TGM4: variants seen among roughly 807,000 people sequenced by gnomAD.
TGM4 encodes transglutaminase 4.
In TGM4, 61 loss-of-function variants were observed where a neutral mutation model predicts 76.3. The observed-to-expected ratio is 0.80, with a 90% CI of 0.65 to 0.99. The LOEUF (loss-of-function observed/expected upper bound fraction) is 0.99. Ranked by LOEUF, TGM4 falls within the 50% of genes least tolerant of loss-of-function variation. The pLI is 0.00. For missense variants in TGM4, 794 were observed against 843.2 expected (o/e 0.94, Z 0.72); for synonymous variants, 337 against 329.8 (o/e 1.02, Z -0.24).
In TGM4 at chr3:44,907,052, G is replaced by A. The variant is rs1340695453; in HGVS notation, c.1179G>A (p.Arg393=). The change falls in exon 10 of 14, where the codon AGG becomes AGA. Residue 393 remains arginine (R), a synonymous_variant. Coordinates refer to ENST00000296125, the MANE Select transcript of TGM4 (RefSeq NM_003241.4). ...TCTTCTCAGAAGTGAATGGTGACAG[G>A]CTCATCTGGTTGGTGAAGATGGTGA... ...RFVFSEVNGD[R]LIWLVKMVNG... 2.5e-5 allele frequency: 40 copies of A among 1,614,044 alleles called. No individual in the cohort carries two copies. Among genetic ancestry groups the A allele is most frequent in the Middle Eastern group, 1.6e-4 (1 of 6,084 alleles).
At chr3:44,896,109 T>A (rs1228520035) in intron 5 of TGM4, among the ~76,000 whole-genome samples, 3 of 152,100 alleles carry the variant, frequency 2.0e-5, no homozygotes, top group Non-Finnish European at 4.4e-5. Context: ...TTTATTTATT[T>A]TTATTATTAT....
At chr3:44,895,485 GGCATGGTGAT>G (rs1699767336) in intron 5 of TGM4, among the ~76,000 whole-genome samples, 1 of 152,006 alleles carries the variant, frequency 6.6e-6, no homozygotes, top group Admixed American at 6.6e-5. Flanking sequence ...AAATTAGCTG[GGCATGGTGAT>G]GCATGCCTAT....
rs1335100345 is a variant in TGM4 at position 44,911,065 on chromosome 3, T to C, written c.1714T>C (p.Ser572Pro). The C allele has an allele frequency of 1.2e-6, 2 of 1,613,930 alleles. No homozygotes were observed. The highest frequency in any genetic ancestry group is 2.2e-5 in the South Asian group (2 of 91,058). ...RGFIIAEIVE[S>P]KEIMASEVFT... The stretch of plus-strand genomic sequence containing the variant: ...TTTCATCATTGCGGAAATTGTGGAG[T>C]CTAAGGAAATCATGGCCTCTGAAGT... The change falls in exon 12 of 14, where the codon TCT (serine) becomes CCT (proline). Residue 572 changes from serine to proline, a missense_variant. By Grantham distance (74) the Ser-to-Pro change is moderately conservative. Coordinates refer to ENST00000296125, the MANE Select transcript of TGM4 (RefSeq NM_003241.4).
At position 44,914,012 on chromosome 3, in the gene TGM4, A is replaced by C; in HGVS notation, c.*287A>C. On this transcript the variant is annotated 3_prime_UTR_variant, in exon 14 of 14. Coordinates refer to ENST00000296125, the MANE Select transcript of TGM4 (RefSeq NM_003241.4). ...ATCAGGGCCACCATTGTCTCAATTC[A>C]AATCCATAGATTTCGAAGCCACAGA... 3.1e-6 allele frequency: 1 copy of C among 320,052 alleles called. No homozygotes were observed. 19.8% of individuals were successfully genotyped at this position (320,052 alleles called of 1,614,324 possible).
chr3:44,880,074 T>A lies in TGM4; in HGVS notation c.20-5251T>A, dbSNP rs190427369. On this transcript the variant is annotated intron_variant, in intron 1 of 13. Transcript: ENST00000296125. ...TCAGCCTCCCAAAGTGTTGGGATCA[T>A]AGGCGTGAGCCACTGTGCCTGGTCC... Among the ~76,000 whole-genome samples the A allele has an allele frequency of 1.6e-4, 24 of 152,150 alleles. No individual in the cohort carries two copies. In the East Asian group the frequency reaches 4.5e-3, roughly 28 times the overall value.
At chr3:44,889,791 T>C (rs1328100132) in intron 3 of TGM4, among the ~76,000 whole-genome samples, 1 of 151,408 alleles carries the variant, frequency 6.6e-6, no homozygotes, top group Admixed American at 6.6e-5. Flanking sequence ...AAGAGAAAGG[T>C]GTTTTTTTTT....
At chr3:44,880,248 A>G (rs1032512258) in intron 1 of TGM4, among the ~76,000 whole-genome samples, 1 of 152,270 alleles carries the variant, frequency 6.6e-6, no homozygotes, top group Non-Finnish European at 1.5e-5. Flanking sequence ...TGGGAATGCC[A>G]TAAAACTTTG....
intron 6 of TGM4, chr3:44,900,842 T>C (rs1699842736): frequency 6.6e-6 from 1 of 152,382 alleles, no homozygotes; most frequent in Non-Finnish European, 1.5e-5. Context: ...GAAAGGATCG[T>C]CTGGCCAGGG....
At chr3:44,883,119 C>T (rs1301772053) in intron 1 of TGM4, among the ~76,000 whole-genome samples, 1 of 152,184 alleles carries the variant, frequency 6.6e-6, no homozygotes, top group African/African-American at 2.4e-5. Context: ...CTGTTAAAGC[C>T]CTTTTCCAGC....
chr3:44,900,436 T>C (rs1449194918), intron 6 of TGM4, among the ~76,000 whole-genome samples: 3 of 152,210 alleles, frequency 2.0e-5, no homozygotes, highest in Non-Finnish European at 4.4e-5. Flanking sequence ...ACCTGAGAGG[T>C]CACGGGAGGC....
chr3:44,905,839 C>T (rs201022373), intron 9 of TGM4, among the ~76,000 whole-genome samples: 10 of 151,858 alleles, frequency 6.6e-5, no homozygotes, highest in South Asian at 2.1e-4. Flanking sequence ...CACACCCCCG[C>T]ATACTCTGCA....
At chr3:44,893,746 C>A (rs537403999) in intron 5 of TGM4, 51 bp downstream of exon 5, 3 of 1,476,416 alleles carry the variant, frequency 2.0e-6, no homozygotes, top group African/African-American at 1.4e-5. Flanking sequence ...GCTAGACCAC[C>A]CTTTTAGCTG....
chr3:44,883,822 T>C (rs1467027742), intron 1 of TGM4, among the ~76,000 whole-genome samples: 3 of 152,236 alleles, frequency 2.0e-5, no homozygotes, highest in Admixed American at 1.3e-4. Flanking sequence ...AGGCATCTGA[T>C]GTGGGCGTGA....
chr3:44,893,673 GC>G lies in TGM4; in HGVS notation c.528del (p.Cys176Ter). On this transcript the variant is annotated frameshift_variant, in exon 5 of 14. Transcript: ENST00000296125. LOFTEE classifies it high-confidence loss of function. ...GTGGGGGCTGCCAGAAGTATCAAATGCAAACCCTGGAACTTTGGTCAGGTAA... is the reference window on the plus strand; with the variant it reads ...GTGGGGGCTGCCAGAAGTATCAAATGAAACCCTGGAACTTTGGTCAGGTAA... The part of the protein sequence containing the change: ...HYVGAARSIK[C>X]KPWNFGQFEK... The G allele has an allele frequency of 6.2e-7, 1 of 1,613,866 alleles. No individual in the cohort carries two copies. The highest frequency in any genetic ancestry group is 8.5e-7 in the Non-Finnish European group (1 of 1,179,850).
chr3:44,907,250 A>T, intron 10 of TGM4, 50 bp downstream of exon 10: 1 of 1,593,784 alleles, frequency 6.3e-7, no homozygotes, highest in Non-Finnish European at 8.6e-7. Flanking sequence ...GTCACCCAGA[A>T]CATGAAAATA....
chr3:44,896,427 C>T (rs1401600187), intron 5 of TGM4, among the ~76,000 whole-genome samples: 1 of 152,098 alleles, frequency 6.6e-6, no homozygotes, highest in Admixed American at 6.6e-5. Flanking sequence ...ATTTATTTGA[C>T]TTGATTACAA....
chr3:44,891,512 T>TACGC, intron 4 of TGM4, among the ~76,000 whole-genome samples: 1 of 148,126 alleles, frequency 6.8e-6, no homozygotes, highest in East Asian at 2.0e-4. Flanking sequence ...CTCCCTCCTC[T>TACGC]ACACACACAC....
At chr3:44,893,858 G>A (rs1699738029) in intron 5 of TGM4, among the ~76,000 whole-genome samples, 163 bp downstream of exon 5, 2 of 151,564 alleles carry the variant, frequency 1.3e-5, no homozygotes, top group Admixed American at 1.3e-4. Flanking sequence ...ACCTGCCTAG[G>A]CTGCACAGAT....
At chr3:44,902,012 C>T in intron 8 of TGM4, 81 bp downstream of exon 8, 4 of 1,527,482 alleles carry the variant, frequency 2.6e-6, no homozygotes, top group Non-Finnish European at 3.5e-6. Flanking sequence ...GGGTCTCTCG[C>T]TAGTTTGCCC....
Sources: allele counts gnomAD v4.1 joint callset (sites outside exome capture counted in the v4.1 genomes callset), GRCh38; gene constraint gnomAD v4.1.1; transcripts MANE v1.5; gene names NCBI Gene and HGNC (gene_info 2026-07-23, HGNC 2026-07-21).